The following TRPA1 variants were observed in gnomAD, a reference collection of about 807,000 sequenced individuals.
TRPA1 encodes the protein ankyrin-like with transmembrane domains 1.
A neutral mutation model predicts 131.3 loss-of-function variants in TRPA1; 129 were observed. That is an observed-to-expected ratio of 0.98 (90% CI 0.85 to 1.14). TRPA1 has a LOEUF of 1.14. Among genes scored for constraint, TRPA1 ranks in the 50% most tolerant of loss-of-function variants. The pLI is 0.00. For missense variants in TRPA1, 1,304 were observed against 1,354.2 expected (o/e 0.96, Z 0.58); for synonymous variants, 441 against 451.7 (o/e 0.98, Z 0.30).
At position 72,021,779 on chromosome 8, in the gene TRPA1, G is replaced by C. The variant is rs974618596; in HGVS notation, c.*1127C>G. 17 of 152,048 alleles carry C rather than the reference G, an allele frequency of 1.1e-4. No homozygotes were observed. Among genetic ancestry groups the C allele is most frequent in the African/African-American group, 4.1e-4 (17 of 41,382 alleles). 9.4% of individuals were successfully genotyped at this position (152,048 alleles called of 1,614,324 possible). The stretch of plus-strand genomic sequence containing the variant: ...GAATACAGTAACACAGTTGTATCTT[G>C]TAAACATCATGTCCAGTAAAAAGGA... On this transcript the variant is annotated 3_prime_UTR_variant, in exon 27 of 27. Transcript: ENST00000262209.
intron 13 of TRPA1, 149 bp from the exon 14 acceptor site, chr8:72,052,914 T>TA (rs964676967): frequency 4.8e-5 from 40 of 828,390 alleles, no homozygotes; most frequent in Non-Finnish European, 6.9e-5. Flanking sequence ...AGCTTCAAAA[T>TA]AATGAGTTTA....
chr8:72,087,856 T>C, the TRPA1 span, among the ~76,000 whole-genome samples: 1 of 152,194 alleles, frequency 6.6e-6, no homozygotes, highest in Non-Finnish European at 1.5e-5. Context: ...TCTGTCCACT[T>C]ACCTCCTCTA....
chr8:72,045,968 G>C (rs1812416961), intron 17 of TRPA1, among the ~76,000 whole-genome samples: 3 of 152,014 alleles, frequency 2.0e-5, no homozygotes, highest in African/African-American at 7.2e-5. Context: ...TAAGATCTAA[G>C]AACCTCTGAA....
At chr8:72,083,355 T>A in the TRPA1 span, among the ~76,000 whole-genome samples, 1 of 152,166 alleles carries the variant, frequency 6.6e-6, no homozygotes, top group Admixed American at 6.5e-5. Context: ...ACTGACTTGT[T>A]TCTTTGCTTG....
intron 25 of TRPA1, 81 bp downstream of exon 25, chr8:72,025,879 G>C: frequency 8.3e-7 from 1 of 1,200,282 alleles, no homozygotes; most frequent in East Asian, 2.4e-5. Flanking sequence ...GTCTATAAAA[G>C]GGCCCCCTTA....
intron 17 of TRPA1, among the ~76,000 whole-genome samples, 198 bp from the exon 18 acceptor site, chr8:72,039,995 ATTGT>A (rs2129434071): frequency 6.6e-6 from 1 of 152,274 alleles, no homozygotes; most frequent in South Asian, 2.1e-4. Flanking sequence ...TACAGGTAAA[ATTGT>A]TTGATTCAGT....
chr8:72,024,818 A>C (rs778313461), intron 25 of TRPA1, among the ~76,000 whole-genome samples: 17 of 152,142 alleles, frequency 1.1e-4, no homozygotes, highest in Admixed American at 2.0e-4. Context: ...AATTTTAACC[A>C]TGGACATGTG....
chr8:72,085,490 T>C, the TRPA1 span, among the ~76,000 whole-genome samples: 9 of 151,864 alleles, frequency 5.9e-5, no homozygotes, highest in South Asian at 1.9e-3. Context: ...TGAATTATAA[T>C]CTAATCAATA....
At position 72,034,375 on chromosome 8, in the gene TRPA1, A is replaced by T. The variant is rs774619939; in HGVS notation, c.2558T>A (p.Phe853Tyr). ...AACAATAAAAATTCCACAATTTTCA[A>T]ATCTAGAAAAGTAAAAAAAAAAAAA... The part of the protein sequence containing the change: ...WMNFLLYLQR[F>Y]ENCGIFIVML... Residue 853 changes from phenylalanine to tyrosine, a missense_variant and splice_region_variant, in exon 22 of 27, where the codon TTT (phenylalanine) becomes TAT (tyrosine). Transcript: ENST00000262209. 6.6e-7 allele frequency: 1 copy of T among 1,517,078 alleles called. No individual in the cohort carries two copies. The highest frequency in any genetic ancestry group is 1.2e-5 in the South Asian group (1 of 83,304). 94.0% of individuals were successfully genotyped at this position (1,517,078 alleles called of 1,614,324 possible).
upstream of TRPA1, among the ~76,000 whole-genome samples, chr8:72,077,634 C>G (rs951222126): frequency 2.6e-5 from 4 of 152,062 alleles, no homozygotes; most frequent in African/African-American, 7.2e-5. Flanking sequence ...CAGTGTCTTC[C>G]TAAGACCTCT....
intron 6 of TRPA1, 46 bp from the exon 7 acceptor site, chr8:72,061,807 A>G (rs1417271655): frequency 6.2e-7 from 1 of 1,602,516 alleles, no homozygotes; most frequent in South Asian, 1.1e-5. Flanking sequence ...ATCTCAATGA[A>G]AGAATATAAC....
intron 12 of TRPA1, chr8:72,054,075 A>C (rs1024374889): frequency 7.0e-6 from 4 of 573,242 alleles, no homozygotes; most frequent in Admixed American, 3.0e-5. Context: ...TGATTCATAC[A>C]CGTTTTTTAC....
chr8:72,043,914 T>G (rs2129434403), intron 17 of TRPA1, among the ~76,000 whole-genome samples: 1 of 151,986 alleles, frequency 6.6e-6, no homozygotes, highest in South Asian at 2.1e-4. Context: ...GCATTCTGGG[T>G]TAGTAGGTCT....
In TRPA1 at chr8:72,022,840, A is replaced by G. The variant is rs779102004; in HGVS notation, c.*66T>C. 61 of 1,434,136 alleles carry G rather than the reference A, an allele frequency of 4.3e-5. No individual in the cohort carries two copies. The highest frequency in any genetic ancestry group is 5.1e-5 in the Admixed American group (3 of 59,148). 88.8% of individuals were successfully genotyped at this position (1,434,136 alleles called of 1,614,324 possible). ...ATTCTGCTTCTTCCTCACTCTTTTTAAATTGAAAGTTAGAACCAGCAAGTC... is the reference window on the plus strand; with the variant it reads ...ATTCTGCTTCTTCCTCACTCTTTTTGAATTGAAAGTTAGAACCAGCAAGTC... On this transcript the variant is annotated 3_prime_UTR_variant, in exon 27 of 27. Transcript: ENST00000262209.
At chr8:72,047,386 A>T (rs1805362341) in intron 15 of TRPA1, among the ~76,000 whole-genome samples, 179 bp from the exon 16 acceptor site, 1 of 152,142 alleles carries the variant, frequency 6.6e-6, no homozygotes, top group Admixed American at 6.6e-5. Flanking sequence ...ACAAAATGTT[A>T]CAAATACCTC....
intron 24 of TRPA1, among the ~76,000 whole-genome samples, chr8:72,027,485 T>TGCC (rs1720858424): frequency 6.6e-6 from 1 of 152,170 alleles, no homozygotes; most frequent in African/African-American, 2.4e-5. Context: ...TGTCTGCAGC[T>TGCC]GCCAAAACTG....
At chr8:72,045,700 T>A (rs1812406189) in intron 17 of TRPA1, among the ~76,000 whole-genome samples, 1 of 151,708 alleles carries the variant, frequency 6.6e-6, no homozygotes, top group Non-Finnish European at 1.5e-5. Context: ...CAATGATTTG[T>A]TGAAGCTAGT....
At chr8:72,067,480 G>A (rs972401178) in intron 3 of TRPA1, among the ~76,000 whole-genome samples, 1 of 152,124 alleles carries the variant, frequency 6.6e-6, no homozygotes, top group African/African-American at 2.4e-5. Flanking sequence ...TTATGAATCA[G>A]TTGGGAGCTT....
Position 72,056,524 on chromosome 8 carries a change from A to G in TRPA1, c.1194+393T>C, listed in dbSNP as rs142352715. 3.3e-4 allele frequency among the ~76,000 whole-genome samples: 51 copies of G among 152,264 alleles called. 1 individual carries two copies. In the East Asian group the frequency reaches 9.8e-3, roughly 29 times the overall value. ...GCTTTCAACCTCTCCTCAGAAAGTC[A>G]AGTATGCTGAGTAATTTTTCTTAAT... On this transcript the variant is annotated intron_variant, in intron 10 of 26. Coordinates refer to ENST00000262209, the MANE Select transcript of TRPA1 (RefSeq NM_007332.3).
Sources: gnomAD v4.1 joint callset for allele counts (sites outside exome capture counted in the v4.1 genomes callset) on GRCh38, gnomAD v4.1.1 for gene constraint, MANE v1.5 for transcripts, NCBI Gene and HGNC (gene_info 2026-07-23, HGNC 2026-07-21) for gene names.